Variants in ERCC6 observed in about 807,000 individuals in gnomAD.
The protein encoded by ERCC6 is DNA excision repair protein ERCC-6.
A neutral mutation model predicts 158.7 loss-of-function variants in ERCC6; 116 were observed. The ratio of observed to expected loss-of-function variants is 0.73; its 90% confidence interval spans 0.63 to 0.85. The LOEUF (loss-of-function observed/expected upper bound fraction) is 0.85. Ranked by LOEUF, ERCC6 falls within the 40% of genes least tolerant of loss-of-function variation. The probability of loss-of-function intolerance (pLI) is 0.00; values close to 1 mark genes in which losing one functional copy is unlikely to be tolerated. For missense variants in ERCC6, 1,698 were observed against 1,799.4 expected, an observed-to-expected ratio of 0.94 and a Z score of 1.02; for synonymous variants, 678 against 659.3, an observed-to-expected ratio of 1.03 and a Z score of -0.43.
intron 4 of ERCC6, chr10:49,525,144 T>G: frequency 3.8e-6 from 1 of 265,626 alleles, no homozygotes; most frequent in South Asian, 4.4e-5. Flanking sequence ...AGCTCCGAAG[T>G]TCTCACGTCA....
At chr10:49,500,957 A>G in intron 6 of ERCC6, 1 of 431,586 alleles carries the variant, frequency 2.3e-6, no homozygotes, top group South Asian at 2.9e-5. Flanking sequence ...ATTAGAGACT[A>G]TTTCCTTTCT....
At chr10:49,493,392 C>A (rs1851210832) in intron 7 of ERCC6, 140 bp from the exon 8 acceptor site, 9 of 1,115,740 alleles carry the variant, frequency 8.1e-6, no homozygotes, top group Middle Eastern at 2.0e-4. Flanking sequence ...TTGATATTTT[C>A]TTTAAGAAAA....
chr10:49,530,887 T>C, intron 2 of ERCC6, 47 bp from the exon 3 acceptor site: 1 of 1,602,838 alleles, frequency 6.2e-7, no homozygotes, highest in Non-Finnish European at 8.5e-7. Flanking sequence ...ATAACATTTT[T>C]ATAGCATAAT....
intron 7 of ERCC6, 94 bp downstream of exon 7, chr10:49,500,444 C>A: frequency 7.2e-7 from 1 of 1,395,214 alleles, no homozygotes; most frequent in Non-Finnish European, 1.0e-6. Context: ...ATTGAAATGT[C>A]ATCAATAATT....
intron 8 of ERCC6, among the ~76,000 whole-genome samples, chr10:49,485,148 C>T (rs1042989903): frequency 6.6e-6 from 1 of 152,190 alleles, no homozygotes; most frequent in African/African-American, 2.4e-5. Context: ...GCTCCTGCAC[C>T]ACATTCTCAC....
rs139509516 is a variant in ERCC6 at position 49,461,449 on chromosome 10, C to T, written c.3886G>A (p.Ala1296Thr). ...CACCGCTGACGAGAGAGCCTCAGTG[C>T]TTTCAGGGCATCCTGGGCCACTCGG... ...ANRVAQDALK[A>T]LRLSRQRCLG... The change falls in exon 19 of 21, where the codon GCA becomes ACA. Residue 1296 changes from alanine (A) to threonine (T), a missense_variant. Transcript: ENST00000355832. The T allele has an allele frequency of 1.1e-5, 17 of 1,614,102 alleles. No homozygotes were observed. The highest frequency in any genetic ancestry group is 1.3e-5 in the African/African-American group (1 of 74,930).
chr10:49,451,028 G>A (rs1306788759), downstream of ERCC6, among the ~76,000 whole-genome samples: 2 of 152,038 alleles, frequency 1.3e-5, no homozygotes, highest in Non-Finnish European at 1.5e-5. Flanking sequence ...AGCCAGGATG[G>A]TCTTGATCTC....
At chr10:49,533,073 A>G in intron 1 of ERCC6, 95 bp from the exon 2 acceptor site, 3 of 1,402,098 alleles carry the variant, frequency 2.1e-6, no homozygotes, top group Admixed American at 4.5e-5. Context: ...TTCTCAAAAG[A>G]TCAAGTAATA....
rs1851446622 is a variant in ERCC6 at position 49,506,531 on chromosome 10, T to A, written c.1398-519A>T. 2 of 158,454 alleles carry A rather than the reference T, an allele frequency of 1.3e-5. 1 individual carries two copies. The highest frequency in any genetic ancestry group is 3.7e-4 in the South Asian group (2 of 5,412). The allele number at this position is 158,454 out of a possible 1,614,324, so 9.8% of individuals were successfully genotyped here. A position where few individuals can be genotyped will look rare whatever the true frequency, so the allele number is the denominator to read the frequency against. ...ACTGAATCAGGTTCACATTACTGATTACTTAACTGGGGGAAGAGGCATCAG... is the reference window on the plus strand; with the variant it reads ...ACTGAATCAGGTTCACATTACTGATAACTTAACTGGGGGAAGAGGCATCAG... On this transcript the variant is annotated intron_variant, in intron 5 of 20. Coordinates refer to ENST00000355832, the MANE Select transcript of ERCC6 (RefSeq NM_000124.4).
chr10:49,528,594 A>G, intron 3 of ERCC6, 69 bp from the exon 4 acceptor site: 1 of 1,564,642 alleles, frequency 6.4e-7, no homozygotes, highest in South Asian at 1.2e-5. Context: ...AAAAGATAGC[A>G]TTATGAAATT....
At position 49,461,434 on chromosome 10, in the gene ERCC6, G is replaced by A. The variant is rs367552064; in HGVS notation, c.3901C>T (p.Arg1301Cys). 15 of 1,614,056 alleles carry A rather than the reference G, an allele frequency of 9.3e-6. No homozygotes were observed. Among genetic ancestry groups the A allele is most frequent in the Admixed American group, 3.3e-5 (2 of 60,008 alleles). ...GACACTGCTCCCAGACACCGCTGAC[G>A]AGAGAGCCTCAGTGCTTTCAGGGCA... ...QDALKALRLS[R>C]QRCLGAVSGV... Residue 1301 changes from arginine (R) to cysteine (C), a missense_variant, in exon 19 of 21, where the codon CGT becomes TGT. Arg to Cys is a radical substitution (Grantham distance 180). Coordinates refer to ENST00000355832, the MANE Select transcript of ERCC6 (RefSeq NM_000124.4).
At chr10:49,512,863 C>T (rs1295711995) in intron 5 of ERCC6, among the ~76,000 whole-genome samples, 1 of 152,234 alleles carries the variant, frequency 6.6e-6, no homozygotes, top group East Asian at 1.9e-4. Flanking sequence ...CCACTTGTGG[C>T]ATCACGTTGC....
chr10:49,441,431 T>C, the ERCC6 span, among the ~76,000 whole-genome samples: 1 of 152,164 alleles, frequency 6.6e-6, no homozygotes, highest in South Asian at 2.1e-4. Context: ...TCAATACAAG[T>C]TACAGTTATT....
intron 10 of ERCC6, among the ~76,000 whole-genome samples, chr10:49,482,115 T>C (rs1194549429): frequency 6.6e-6 from 1 of 152,182 alleles, no homozygotes; most frequent in Non-Finnish European, 1.5e-5. Flanking sequence ...AGTGGGTCTC[T>C]TCACTGCGCC....
downstream of ERCC6, among the ~76,000 whole-genome samples, chr10:49,449,530 G>A (rs907190115): frequency 2.5e-5 from 3 of 121,930 alleles, no homozygotes; most frequent in African/African-American, 9.4e-5. Context: ...TCTTCTAAGA[G>A]TTTTATAGGT....
the ERCC6 span, among the ~76,000 whole-genome samples, chr10:49,446,974 A>G: frequency 2.6e-5 from 4 of 152,224 alleles, no homozygotes; most frequent in African/African-American, 9.6e-5. Context: ...CAGGAAGCAC[A>G]GGCTCCATAC....
At chr10:49,506,806 T>C (rs918776060) in intron 5 of ERCC6, among the ~76,000 whole-genome samples, 2 of 149,926 alleles carry the variant, frequency 1.3e-5, no homozygotes, top group Non-Finnish European at 3.0e-5. Flanking sequence ...TTGTCGTGAG[T>C]GGGGAAAAAA....
chr10:49,505,710 C>G (rs1564432067), intron 6 of ERCC6, 174 bp downstream of exon 6: 2 of 687,936 alleles, frequency 2.9e-6, no homozygotes, highest in East Asian at 5.5e-5. Flanking sequence ...TTATTATCAT[C>G]CAATTTTAAT....
intron 19 of ERCC6, 25 bp downstream of exon 19, chr10:49,461,327 A>C (rs1321766188): frequency 6.2e-7 from 1 of 1,608,652 alleles, no homozygotes; most frequent in Admixed American, 1.7e-5. Flanking sequence ...ACTCCTTGCA[A>C]GTATGGCATG....
Sources: gnomAD v4.1 joint callset for allele counts (sites outside exome capture counted in the v4.1 genomes callset) on GRCh38, gnomAD v4.1.1 for gene constraint, MANE v1.5 for transcripts, NCBI Gene and HGNC (gene_info 2026-07-23, HGNC 2026-07-21) for gene names.